Variants in RNF17 observed in about 807,000 individuals in gnomAD.
RNF17 encodes spermatogenesis associated 23.
RNF17 carries 31 observed loss-of-function variants against 200.5 expected under a neutral mutation model. That is an observed-to-expected ratio of 0.15 (90% CI 0.12 to 0.21). The LOEUF is 0.21. Ranked by LOEUF, RNF17 falls within the 10% of genes least tolerant of loss-of-function variation. The probability of loss-of-function intolerance (pLI) is 1.00; values close to 1 mark genes in which losing one functional copy is unlikely to be tolerated. For synonymous variants in RNF17, 606 were observed against 637.8 expected (o/e 0.95, Z 0.75); for missense variants, 1,628 against 1,905.1 (o/e 0.85, Z 2.71).
chr13:24,858,286 A>G (rs912175582), intron 25 of RNF17, among the ~76,000 whole-genome samples: 4 of 152,218 alleles, frequency 2.6e-5, no homozygotes, highest in South Asian at 2.1e-4. Context: ...TACTTAACCC[A>G]GAAACTTTGC....
Position 24,773,289 on chromosome 13 carries a change from A to G in RNF17, c.226-1524A>G, listed in dbSNP as rs553495399. ...CAGTATCATTCACAATAGCAAATAC[A>G]TGGAATCAACCTATGCGTCCCATCA... On this transcript the variant is annotated intron_variant, in intron 2 of 35. Coordinates refer to ENST00000255324, the MANE Select transcript of RNF17 (RefSeq NM_031277.3). Among the ~76,000 whole-genome samples the G allele has an allele frequency of 5.9e-5, 9 of 152,342 alleles. No homozygotes were observed. The South Asian group carries it at 1.9e-3, about 32-fold the overall frequency.
At chr13:24,863,194 G>A (rs1257609716) in intron 28 of RNF17, among the ~76,000 whole-genome samples, 1 of 152,190 alleles carries the variant, frequency 6.6e-6, no homozygotes, top group Non-Finnish European at 1.5e-5. Context: ...TATCTGGTTA[G>A]TGAAACAAGG....
chr13:24,764,491 A>G lies in RNF17; in HGVS notation c.130+158A>G, dbSNP rs554391281. The G allele has an allele frequency of 5.0e-4, 347 of 700,608 alleles. 3 individuals carry two copies. The Middle Eastern group carries it at 5.8e-3, about 12-fold the overall frequency. 43.4% of individuals were successfully genotyped at this position (700,608 alleles called of 1,614,324 possible). Reference sequence around the variant, plus strand: ...CTCCCGCGAGCTGCACCCGACCTCTAAGAGGGCAGTGCTTGGGTTGGTTAA... The same window carrying G: ...CTCCCGCGAGCTGCACCCGACCTCTGAGAGGGCAGTGCTTGGGTTGGTTAA... On this transcript the variant is annotated intron_variant, in intron 1 of 35. Transcript: ENST00000255324.
intron 33 of RNF17, among the ~76,000 whole-genome samples, chr13:24,875,818 C>T (rs530847538): frequency 1.2e-4 from 19 of 152,302 alleles, no homozygotes; most frequent in Non-Finnish European, 2.2e-4. Flanking sequence ...TTTTGCTTGC[C>T]GGCTTTCTGG....
the RNF17 span, among the ~76,000 whole-genome samples, chr13:24,884,993 GGA>G: frequency 6.6e-5 from 10 of 152,308 alleles, no homozygotes; most frequent in South Asian, 1.7e-3. Flanking sequence ...CTGGAGATGA[GGA>G]GAGAGGTCCC....
intron 34 of RNF17, among the ~76,000 whole-genome samples, chr13:24,878,289 G>A (rs2138488823): frequency 6.6e-6 from 1 of 152,260 alleles, no homozygotes; most frequent in East Asian, 1.9e-4. Flanking sequence ...GCTCATACAG[G>A]GTTTCTCTCA....
intron 15 of RNF17, among the ~76,000 whole-genome samples, chr13:24,812,004 G>A (rs1391718496): frequency 6.6e-6 from 1 of 151,786 alleles, no homozygotes. Flanking sequence ...CCCATTCTCA[G>A]ATCTCCAGCT....
intron 7 of RNF17, among the ~76,000 whole-genome samples, chr13:24,788,985 C>T (rs531190532): frequency 7.9e-5 from 12 of 152,184 alleles, no homozygotes; most frequent in South Asian, 2.1e-4. Flanking sequence ...GTGTATTACA[C>T]GTGCAACACT....
chr13:24,867,646 T>C (rs1893769484), intron 30 of RNF17, among the ~76,000 whole-genome samples: 1 of 152,206 alleles, frequency 6.6e-6, no homozygotes, highest in Admixed American at 6.5e-5. Context: ...TTACTTAAGA[T>C]AATTACCATA....
At chr13:24,828,120 C>G (rs939233647) in intron 16 of RNF17, among the ~76,000 whole-genome samples, 5 of 152,182 alleles carry the variant, frequency 3.3e-5, no homozygotes, top group African/African-American at 1.2e-4. Flanking sequence ...AAGGACTTTG[C>G]AATTGCTTTT....
downstream of RNF17, chr13:24,883,892 G>A: frequency 1.3e-6 from 2 of 1,590,432 alleles, no homozygotes; most frequent in Non-Finnish European, 1.7e-6. Flanking sequence ...CGCAAGGCTG[G>A]GGCACCTTCT....
intron 22 of RNF17, among the ~76,000 whole-genome samples, chr13:24,847,535 G>A (rs2138182102): frequency 6.6e-6 from 1 of 152,108 alleles, no homozygotes; most frequent in African/African-American, 2.4e-5. Flanking sequence ...TAGTAGAGAT[G>A]AGGTTTCACC....
At chr13:24,781,295 T>TA (rs1882332101) in intron 5 of RNF17, among the ~76,000 whole-genome samples, 2 of 152,158 alleles carry the variant, frequency 1.3e-5, no homozygotes, top group Admixed American at 1.3e-4. Context: ...AGTACACTCA[T>TA]CAGTGGATTT....
chr13:24,865,321 C>T (rs1285104702), intron 29 of RNF17, among the ~76,000 whole-genome samples: 2 of 152,142 alleles, frequency 1.3e-5, no homozygotes, highest in Non-Finnish European at 2.9e-5. Flanking sequence ...CAGCAGAGGG[C>T]TCTTGCTCCA....
chr13:24,776,341 C>T (rs1357105532), intron 3 of RNF17, among the ~76,000 whole-genome samples: 2 of 152,168 alleles, frequency 1.3e-5, no homozygotes, highest in Non-Finnish European at 2.9e-5. Context: ...GAATTCCTGG[C>T]ACTTCACATT....
intron 12 of RNF17, among the ~76,000 whole-genome samples, chr13:24,799,862 T>C (rs1388928869): frequency 6.6e-6 from 1 of 152,174 alleles, no homozygotes; most frequent in African/African-American, 2.4e-5. Flanking sequence ...CTAATTCTTT[T>C]AAATGTTACA....
At chr13:24,755,083 A>G in the RNF17 span, among the ~76,000 whole-genome samples, 2 of 152,038 alleles carry the variant, frequency 1.3e-5, no homozygotes, top group Admixed American at 1.3e-4. Context: ...GTCCTTTTCC[A>G]TTTGACTGCT....
At chr13:24,842,265 G>A in intron 19 of RNF17, 104 bp downstream of exon 19, 3 of 1,012,460 alleles carry the variant, frequency 3.0e-6, no homozygotes, top group Non-Finnish European at 4.2e-6. Context: ...GATGAGCTTA[G>A]ACTGTAGACC....
intron 16 of RNF17, among the ~76,000 whole-genome samples, chr13:24,829,282 C>T (rs1279445528): frequency 6.6e-6 from 1 of 152,158 alleles, no homozygotes; most frequent in Non-Finnish European, 1.5e-5. Context: ...CATAGTTTCT[C>T]CAGAGAACAT....
Sources: allele counts gnomAD v4.1 joint callset (sites outside exome capture counted in the v4.1 genomes callset), GRCh38; gene constraint gnomAD v4.1.1; transcripts MANE v1.5; gene names NCBI Gene and HGNC (gene_info 2026-07-23, HGNC 2026-07-21).